Variants in ANKS1B observed in about 807,000 individuals in gnomAD.
The protein encoded by ANKS1B is ankyrin repeat and sterile alpha motif domain-containing protein 1B.
A neutral mutation model predicts 148.3 loss-of-function variants in ANKS1B; 36 were observed. The observed-to-expected ratio is 0.24, with a 90% confidence interval of 0.19 to 0.32. The LOEUF (loss-of-function observed/expected upper bound fraction) is 0.32, where lower values mean the gene tolerates loss of function less well. ANKS1B is among the 10% of genes least tolerant of loss of function. The pLI is 1.00. For synonymous variants in ANKS1B, 542 were observed against 560.8 expected (o/e 0.97, Z 0.47); for missense variants, 1,157 against 1,542.6 (o/e 0.75, Z 4.19).
chr12:99,158,628 CA>C (rs2076322858), intron 14 of ANKS1B, among the ~76,000 whole-genome samples: 1 of 152,040 alleles, frequency 6.6e-6, no homozygotes, highest in Non-Finnish European at 1.5e-5. Flanking sequence ...CAACAAAAAC[CA>C]ACCATCAAAG....
chr12:98,844,543 G>GTATT (rs1306911934), intron 17 of ANKS1B, among the ~76,000 whole-genome samples: 1 of 152,124 alleles, frequency 6.6e-6, no homozygotes, highest in Non-Finnish European at 1.5e-5. Flanking sequence ...TTTTTGACAG[G>GTATT]TATTAGTATG....
In ANKS1B at chr12:98,922,221, C is replaced by A. The variant is rs57501140; in HGVS notation, c.2779-90085G>T. ...TCATACCCCCAGAGGTATCTTTGTG[C>A]AACTTTAGAATATACGTACTTTGTT... On this transcript the variant is annotated intron_variant, in intron 17 of 26. Transcript: ENST00000683438. 1.3e-3 allele frequency among the ~76,000 whole-genome samples: 202 copies of A among 152,266 alleles called. 1 individual carries two copies. Among genetic ancestry groups the A allele is most frequent in the African/African-American group, 4.8e-3 (198 of 41,558 alleles).
Position 98,848,743 on chromosome 12 carries a change from GTT to G in ANKS1B, c.2779-16609_2779-16608del, listed in dbSNP as rs10695483. 6.2e-5 allele frequency among the ~76,000 whole-genome samples: 3 copies of G among 48,090 alleles called. 1 individual carries two copies. The highest frequency in any genetic ancestry group is 2.0e-3 in the South Asian group (2 of 1,024). The allele number at this position is 48,090 out of a possible 152,430, so 31.5% of individuals were successfully genotyped here. A position where few individuals can be genotyped will look rare whatever the true frequency, so the allele number is the denominator to read the frequency against. On this transcript the variant is annotated intron_variant, in intron 17 of 26. Transcript: ENST00000683438. ...CTGGATTAATTTCTGTGTATGTGTG[GTT>G]TTTTTTTTTTTGAGACGGAGTCTCG...
At chr12:99,414,734 T>A (rs1338374738) in intron 11 of ANKS1B, among the ~76,000 whole-genome samples, 3 of 152,140 alleles carry the variant, frequency 2.0e-5, no homozygotes, top group Admixed American at 6.5e-5. Context: ...CTAACGTAAA[T>A]GATGTGTTGA....
chr12:98,925,602 C>T (rs1372916478), intron 17 of ANKS1B, among the ~76,000 whole-genome samples: 1 of 152,160 alleles, frequency 6.6e-6, no homozygotes, highest in African/African-American at 2.4e-5. Flanking sequence ...AAACAGTGAG[C>T]TTTGTGGCAT....
intron 12 of ANKS1B, among the ~76,000 whole-genome samples, chr12:99,253,347 G>A (rs746113690): frequency 2.7e-4 from 41 of 152,120 alleles, no homozygotes; most frequent in South Asian, 1.0e-3. Flanking sequence ...GAAGGCAGGC[G>A]CATGGAACTC....
At chr12:99,039,493 G>C (rs189548786) in intron 17 of ANKS1B, among the ~76,000 whole-genome samples, 112 of 152,224 alleles carry the variant, frequency 7.4e-4, no homozygotes, top group Middle Eastern at 3.2e-3. Flanking sequence ...GTCTGGTGGA[G>C]AGGCGCGATG....
intron 12 of ANKS1B, among the ~76,000 whole-genome samples, chr12:99,374,574 T>C (rs550520450): frequency 2.6e-5 from 4 of 152,330 alleles, no homozygotes; most frequent in African/African-American, 9.6e-5. Context: ...AATGTATGTA[T>C]AGTTCACATT....
At chr12:99,363,285 G>T (rs999458728) in intron 12 of ANKS1B, among the ~76,000 whole-genome samples, 5 of 151,960 alleles carry the variant, frequency 3.3e-5, no homozygotes, top group Admixed American at 1.3e-4. Context: ...AATTATAGAA[G>T]AAATTATTTC....
intron 12 of ANKS1B, among the ~76,000 whole-genome samples, chr12:99,359,178 G>C (rs184172888): frequency 6.6e-6 from 1 of 152,056 alleles, no homozygotes; most frequent in Non-Finnish European, 1.5e-5. Flanking sequence ...GGAAGCTCGG[G>C]ATGAAATATT....
intron 1 of ANKS1B, among the ~76,000 whole-genome samples, chr12:99,879,390 T>C (rs973298845): frequency 4.6e-5 from 7 of 152,210 alleles, no homozygotes; most frequent in Non-Finnish European, 1.0e-4. Context: ...TCACAGATTA[T>C]ACGTTTCATA....
rs532988666 is a variant in ANKS1B, at chr12:99,135,348, T to C, written c.2526+18941A>G. On this transcript the variant is annotated intron_variant, in intron 15 of 26. Transcript: ENST00000683438. Reference sequence around the variant, plus strand: ...AAGGCAATTGAAACGAAGAGATAGATAGAAATGATCAAAGAAATAATAGAA... The same window carrying C: ...AAGGCAATTGAAACGAAGAGATAGACAGAAATGATCAAAGAAATAATAGAA... Among the ~76,000 whole-genome samples, 44 of 152,186 alleles carry C rather than the reference T, an allele frequency of 2.9e-4. No homozygotes were observed. The South Asian group carries it at 6.2e-3, about 22-fold the overall frequency.
chr12:99,263,121 G>A (rs2076095690), intron 12 of ANKS1B, among the ~76,000 whole-genome samples: 1 of 151,884 alleles, frequency 6.6e-6, no homozygotes, highest in Non-Finnish European at 1.5e-5. Flanking sequence ...GTGAGGAGTT[G>A]AATGCTTAGA....
intron 10 of ANKS1B, among the ~76,000 whole-genome samples, chr12:99,449,548 T>C (rs755241308): frequency 4.6e-5 from 7 of 152,166 alleles, no homozygotes; most frequent in Non-Finnish European, 1.0e-4. Context: ...TCTTCTATCA[T>C]TTACGTGTGC....
At chr12:99,913,889 A>G (rs2094088702) in intron 1 of ANKS1B, among the ~76,000 whole-genome samples, 1 of 152,164 alleles carries the variant, frequency 6.6e-6, no homozygotes, top group Non-Finnish European at 1.5e-5. Flanking sequence ...AACAATAGGC[A>G]AATTTATTAG....
At chr12:99,833,524 C>T (rs2084352426) in intron 1 of ANKS1B, among the ~76,000 whole-genome samples, 1 of 152,092 alleles carries the variant, frequency 6.6e-6, no homozygotes, top group Non-Finnish European at 1.5e-5. Context: ...AAGAGAATGG[C>T]TGAGGTTTCA....
At chr12:99,936,182 G>T (rs1282977042) in intron 1 of ANKS1B, among the ~76,000 whole-genome samples, 1 of 152,168 alleles carries the variant, frequency 6.6e-6, no homozygotes, top group Admixed American at 6.5e-5. Context: ...TTTGGGTGGG[G>T]ACATGGAGCC....
At chr12:99,738,290 A>T (rs958545187) in intron 8 of ANKS1B, among the ~76,000 whole-genome samples, 4 of 152,106 alleles carry the variant, frequency 2.6e-5, no homozygotes, top group African/African-American at 9.7e-5. Context: ...TCCAAACCCA[A>T]ATCACTCCTC....
At chr12:99,871,958 A>G (rs1328250815) in intron 1 of ANKS1B, among the ~76,000 whole-genome samples, 2 of 152,088 alleles carry the variant, frequency 1.3e-5, no homozygotes, top group African/African-American at 2.4e-5. Context: ...TAAATTGAAT[A>G]CAAAAAACAC....
Sources: allele counts gnomAD v4.1 joint callset (sites outside exome capture counted in the v4.1 genomes callset), GRCh38; gene constraint gnomAD v4.1.1; transcripts MANE v1.5; gene names NCBI Gene and HGNC (gene_info 2026-07-23, HGNC 2026-07-21).